Variants in IQGAP2 observed in about 807,000 individuals in gnomAD.
IQGAP2 encodes the protein IQ motif containing GTPase activating protein 2.
A neutral mutation model predicts 201.3 loss-of-function variants in IQGAP2; 173 were observed. That is an observed-to-expected ratio of 0.86 (90% CI 0.76 to 0.98). The LOEUF is 0.98. IQGAP2 is among the 50% of genes least tolerant of loss of function. The pLI, the probability that IQGAP2 is intolerant of heterozygous loss-of-function variation, is 0.00. For missense variants in IQGAP2, 1,687 were observed against 1,864.8 expected (o/e 0.90, Z 1.76); for synonymous variants, 675 against 673.9 (o/e 1.00, Z -0.03).
At chr5:76,468,598 G>C (rs1437190728) in intron 2 of IQGAP2, among the ~76,000 whole-genome samples, 6 of 152,090 alleles carry the variant, frequency 3.9e-5, no homozygotes, top group Non-Finnish European at 1.5e-5. Flanking sequence ...TTCTTCATGA[G>C]TCTCTAGCCT....
rs1317776711 is a variant in IQGAP2 at position 76,702,492 on chromosome 5, G to A, written c.4516G>A (p.Val1506Ile). 1 of 1,513,934 alleles carries A rather than the reference G, an allele frequency of 6.6e-7. No homozygotes were observed. Among genetic ancestry groups the A allele is most frequent in the East Asian group, 2.3e-5 (1 of 44,330 alleles). The allele number at this position is 1,513,934 out of a possible 1,614,324, so 93.8% of individuals were successfully genotyped here. ...DDLQTNQFKNVTFDIIATEDV... is the reference protein window; with the variant it reads ...DDLQTNQFKNITFDIIATEDV... ...TTCCTTTCTTCACAGGTTTAAGAAT[G>A]TTACATTTGATATCATAGCTACTGA... is the stretch of plus-strand genomic sequence containing the variant. Residue 1506 changes from valine to isoleucine, a missense_variant, in exon 35 of 36, where the codon GTT becomes ATT. Val to Ile is a conservative substitution (Grantham distance 29). Transcript: ENST00000274364.
At chr5:76,405,268 C>G (rs1319280491) in intron 1 of IQGAP2, among the ~76,000 whole-genome samples, 1 of 152,180 alleles carries the variant, frequency 6.6e-6, no homozygotes, top group Admixed American at 6.5e-5. Flanking sequence ...TAAGTGCACT[C>G]CAGAAGAAGC....
intron 2 of IQGAP2, among the ~76,000 whole-genome samples, chr5:76,557,837 C>T (rs1744052251): frequency 6.6e-6 from 1 of 152,060 alleles, no homozygotes; most frequent in Admixed American, 6.5e-5. Context: ...GACAGAGTCT[C>T]ACTCTGTCGC....
At chr5:76,407,817 A>G (rs904463154) in intron 1 of IQGAP2, among the ~76,000 whole-genome samples, 7 of 152,102 alleles carry the variant, frequency 4.6e-5, no homozygotes, top group African/African-American at 1.4e-4. Flanking sequence ...CTCTTACTAC[A>G]CAAGCTTTTT....
intron 3 of IQGAP2, among the ~76,000 whole-genome samples, chr5:76,566,536 G>A (rs1744762327): frequency 6.6e-6 from 1 of 152,140 alleles, no homozygotes. Flanking sequence ...CAGGCCCCAT[G>A]GAGCACCTGA....
At chr5:76,672,853 G>A (rs1215105693) in intron 24 of IQGAP2, among the ~76,000 whole-genome samples, 1 of 146,438 alleles carries the variant, frequency 6.8e-6, no homozygotes, top group Non-Finnish European at 1.5e-5. Context: ...TCATAGGTGG[G>A]AATTGAACAC....
chr5:76,582,782 C>CT lies in IQGAP2; in HGVS notation c.459-6124_459-6123insT, dbSNP rs1745961850. Among the ~76,000 whole-genome samples, 6 of 145,184 alleles carry CT rather than the reference C, an allele frequency of 4.1e-5. No individual in the cohort carries two copies. In the East Asian group the frequency reaches 1.1e-3, roughly 26 times the overall value. ...TGGAAAAATTTGGTTCAGTAGATAACAACTACTACTACTACTACTACTATA... is the reference window on the plus strand; with the variant it reads ...TGGAAAAATTTGGTTCAGTAGATAACTAACTACTACTACTACTACTACTATA... On this transcript the variant is annotated intron_variant, in intron 5 of 35. Transcript: ENST00000274364.
At chr5:76,700,045 T>G (rs1482659706) in intron 33 of IQGAP2, among the ~76,000 whole-genome samples, 1 of 151,752 alleles carries the variant, frequency 6.6e-6, no homozygotes, top group Non-Finnish European at 1.5e-5. Flanking sequence ...TATAATTACA[T>G]AAACATATAC....
chr5:76,555,315 T>C (rs1376473062), intron 2 of IQGAP2, among the ~76,000 whole-genome samples: 1 of 152,230 alleles, frequency 6.6e-6, no homozygotes, highest in Non-Finnish European at 1.5e-5. Flanking sequence ...TCAATAAAGA[T>C]GTTAAACCAC....
chr5:76,548,607 G>A (rs1743242446), intron 2 of IQGAP2, among the ~76,000 whole-genome samples: 1 of 152,186 alleles, frequency 6.6e-6, no homozygotes. Context: ...CTTACTAGCT[G>A]TGTAATCTTG....
At chr5:76,587,912 C>T (rs1277175331) in intron 5 of IQGAP2, among the ~76,000 whole-genome samples, 1 of 150,016 alleles carries the variant, frequency 6.7e-6, no homozygotes, top group Non-Finnish European at 1.5e-5. Flanking sequence ...CGCCATTGCA[C>T]TCCAGCCTGG....
At chr5:76,488,828 G>A (rs1384245351) in intron 2 of IQGAP2, among the ~76,000 whole-genome samples, 15 of 152,184 alleles carry the variant, frequency 9.9e-5, no homozygotes, top group Admixed American at 9.8e-4. Flanking sequence ...TCTGCTTTCA[G>A]ATTCTCTTGG....
At chr5:76,486,334 T>C (rs1019195656) in intron 2 of IQGAP2, among the ~76,000 whole-genome samples, 2 of 152,252 alleles carry the variant, frequency 1.3e-5, no homozygotes, top group Non-Finnish European at 2.9e-5. Flanking sequence ...TAGATTTTGT[T>C]TGGGTCTCCA....
At position 76,494,790 on chromosome 5, in the gene IQGAP2, C is replaced by G. The variant is rs540911175; in HGVS notation, c.146+33121C>G. ...AACCCTCCTTGTCCCTACCTCCTCCCCATTAAAGAAAGCTGTTGAAGAAGA... is the reference window on the plus strand; with the variant it reads ...AACCCTCCTTGTCCCTACCTCCTCCGCATTAAAGAAAGCTGTTGAAGAAGA... On this transcript the variant is annotated intron_variant, in intron 2 of 35. Coordinates refer to ENST00000274364, the MANE Select transcript of IQGAP2 (RefSeq NM_006633.5). Among the ~76,000 whole-genome samples, 6 of 152,230 alleles carry G rather than the reference C, an allele frequency of 3.9e-5. No homozygotes were observed. The South Asian group carries it at 1.2e-3, about 32-fold the overall frequency.
chr5:76,496,734 TTTCTTTCTTTC>T lies in IQGAP2; in HGVS notation c.146+35068_146+35078del, dbSNP rs1561416200. Among the ~76,000 whole-genome samples the T allele has an allele frequency of 2.1e-3, 79 of 38,492 alleles. 2 individuals carry two copies. The highest frequency in any genetic ancestry group is 4.1e-3 in the African/African-American group (39 of 9,530). The allele number at this position is 38,492 out of a possible 152,430, so 25.3% of individuals were successfully genotyped here. A position where few individuals can be genotyped will look rare whatever the true frequency, so the allele number is the denominator to read the frequency against. ...TTTCTTTCTTTCTTTCTTTTCTTTC[TTTCTTTCTTTC>T]TTTCTTTCTTTCTTTCTTTCTTTCT... On this transcript the variant is annotated intron_variant, in intron 2 of 35. Coordinates refer to ENST00000274364, the MANE Select transcript of IQGAP2 (RefSeq NM_006633.5).
chr5:76,533,353 G>A (rs767576005), intron 2 of IQGAP2, among the ~76,000 whole-genome samples: 19 of 152,150 alleles, frequency 1.2e-4, no homozygotes, highest in Admixed American at 8.5e-4. Flanking sequence ...CATGCCACAC[G>A]CTTGCCAACA....
rs190940803 is a variant in IQGAP2, at chr5:76,694,189, T to C, written c.3993+747T>C. Among the ~76,000 whole-genome samples the C allele has an allele frequency of 1.3e-3, 198 of 152,244 alleles. No individual in the cohort carries two copies. In the Middle Eastern group the frequency reaches 0.024, roughly 18 times the overall value. The stretch of plus-strand genomic sequence containing the variant: ...GGCTCATGTCTGTAATCCCAATACT[T>C]TGGAAGGCTGAGGTGTGTAGATCAC... On this transcript the variant is annotated intron_variant, in intron 31 of 35. Transcript: ENST00000274364.
At chr5:76,662,895 T>G (rs1001109004) in intron 21 of IQGAP2, among the ~76,000 whole-genome samples, 13 of 152,094 alleles carry the variant, frequency 8.5e-5, no homozygotes, top group Middle Eastern at 3.2e-3. Context: ...GCAATTGGGG[T>G]GACAGAAGTA....
chr5:76,534,336 A>T (rs755709621), intron 2 of IQGAP2, among the ~76,000 whole-genome samples: 1 of 152,156 alleles, frequency 6.6e-6, no homozygotes, highest in Non-Finnish European at 1.5e-5. Flanking sequence ...GAAGATACAT[A>T]CCCTTCTGAG....
Sources: gnomAD v4.1 joint callset for allele counts (sites outside exome capture counted in the v4.1 genomes callset) on GRCh38, gnomAD v4.1.1 for gene constraint, MANE v1.5 for transcripts, NCBI Gene and HGNC (gene_info 2026-07-23, HGNC 2026-07-21) for gene names.